The following XPOT variants were observed in gnomAD, a reference collection of about 807,000 sequenced individuals.
The protein encoded by XPOT is exportin for tRNA, also known as exportin-T.
Under a neutral mutation model 128.2 loss-of-function variants are expected in XPOT, and 34 were observed. That is an observed-to-expected ratio of 0.27 (90% confidence interval 0.20 to 0.35). XPOT has a LOEUF of 0.35. Among genes scored for constraint, XPOT ranks in the 10% least tolerant of loss-of-function variants. The pLI is 1.00. For synonymous variants in XPOT, 348 were observed against 394.3 expected, an observed-to-expected ratio of 0.88 and a Z score of 1.39; for missense variants, 838 against 1,125.3, an observed-to-expected ratio of 0.74 and a Z score of 3.65.
chr12:64,428,391 G>A (rs1000182374), intron 16 of XPOT, among the ~76,000 whole-genome samples: 2 of 152,118 alleles, frequency 1.3e-5, no homozygotes, highest in Non-Finnish European at 1.5e-5. Context: ...TTAAAGATGA[G>A]CTTGCTGTTA....
rs1027602789 is a variant in XPOT at position 64,422,459 on chromosome 12, A to C, written c.1081-546A>C. On this transcript the variant is annotated intron_variant, in intron 9 of 24. Transcript: ENST00000332707. ...TTTTGCTTTGTTTAAAAACCTTTGC[A>C]GAATATGTTATAGGTGTCTTTGTCT... 4.6e-5 allele frequency among the ~76,000 whole-genome samples: 7 copies of C among 152,318 alleles called. 1 individual carries two copies. In the South Asian group the frequency reaches 1.2e-3, roughly 27 times the overall value.
chr12:64,424,675 C>T lies in XPOT; in HGVS notation c.1259C>T (p.Pro420Leu). The T allele has an allele frequency of 1.2e-6, 2 of 1,613,110 alleles. No homozygotes were observed. The highest frequency in any genetic ancestry group is 1.7e-6 in the Non-Finnish European group (2 of 1,179,972). ...LLLDRLAQVS[P>L]ELLLASVRRV... Reference sequence around the variant, plus strand: ...TTGGACAGGCTTGCTCAAGTTTCACCAGAGTTACTACTGGCCTCTGTTCGC... The same window carrying T: ...TTGGACAGGCTTGCTCAAGTTTCACTAGAGTTACTACTGGCCTCTGTTCGC... Residue 420 changes from proline to leucine, a missense_variant, in exon 12 of 25, where the codon CCA becomes CTA. Pro to Leu is a moderately conservative substitution (Grantham distance 98). This residue lies in a region of XPOT where 761 missense variants were observed against 988.3 expected (regional missense o/e 0.77). Coordinates refer to ENST00000332707, the MANE Select transcript of XPOT (RefSeq NM_007235.6).
intron 24 of XPOT, 46 bp from the exon 25 acceptor site, chr12:64,448,059 A>T: frequency 6.4e-7 from 1 of 1,568,638 alleles, no homozygotes; most frequent in Non-Finnish European, 8.8e-7. Flanking sequence ...GGTGAAAGTG[A>T]TATCTTCTGA....
chr12:64,425,401 G>C lies in XPOT; in HGVS notation c.1516G>C (p.Val506Leu). 6.2e-7 allele frequency: 1 copy of C among 1,613,750 alleles called. No individual in the cohort carries two copies. Residue 506 changes from valine (V) to leucine (L), a missense_variant, in exon 14 of 25, where the codon GTT becomes CTT. Coordinates refer to ENST00000332707, the MANE Select transcript of XPOT (RefSeq NM_007235.6). Reference sequence around the variant, plus strand: ...TGTGACATTGGAGTTCTTCGAAACTGTTGTTAGATATGAAAAGTTTTTCAC... The same window carrying C: ...TGTGACATTGGAGTTCTTCGAAACTCTTGTTAGATATGAAAAGTTTTTCAC... ...TSVTLEFFET[V>L]VRYEKFFTVE...
intron 3 of XPOT, among the ~76,000 whole-genome samples, chr12:64,415,639 A>G (rs917574227): frequency 1.3e-5 from 2 of 152,140 alleles, no homozygotes; most frequent in Non-Finnish European, 2.9e-5. Flanking sequence ...TCGGCCTTCC[A>G]AAGTGCTGGG....
intron 1 of XPOT, 47 bp from the exon 2 acceptor site, chr12:64,409,915 T>A (rs1176458653): frequency 1.3e-6 from 1 of 761,240 alleles, no homozygotes; most frequent in Admixed American, 2.0e-5. Flanking sequence ...TAAGCATCTA[T>A]TTGTTTATCA....
chr12:64,435,755 T>A, intron 22 of XPOT, 81 bp downstream of exon 22: 1 of 1,406,382 alleles, frequency 7.1e-7, no homozygotes, highest in Non-Finnish European at 9.5e-7. Flanking sequence ...GTATCTTGTG[T>A]AAAATTTAAC....
chr12:64,425,642 A>G (rs1445735870), intron 14 of XPOT, 173 bp from the exon 15 acceptor site: 13 of 974,032 alleles, frequency 1.3e-5, no homozygotes, highest in Admixed American at 2.4e-5. Flanking sequence ...TTAGTCAACT[A>G]AAACAAGTTC....
At chr12:64,417,250 A>G (rs2040096043) in intron 4 of XPOT, among the ~76,000 whole-genome samples, 1 of 152,204 alleles carries the variant, frequency 6.6e-6, no homozygotes, top group Non-Finnish European at 1.5e-5. Flanking sequence ...TTGGTTACAC[A>G]TAAAAATCCA....
intron 6 of XPOT, 30 bp downstream of exon 6, chr12:64,419,124 TTAATG>T (rs1031911566): frequency 1.9e-6 from 3 of 1,582,340 alleles, no homozygotes; most frequent in Admixed American, 3.4e-5. Flanking sequence ...TTTTTTATAT[TTAATG>T]TAAGTTTTGT....
chr12:64,420,039 T>C, intron 6 of XPOT, 31 bp from the exon 7 acceptor site: 2 of 1,527,254 alleles, frequency 1.3e-6, no homozygotes, highest in Non-Finnish European at 8.7e-7. Context: ...TGTAAGGTAA[T>C]CTACTTTGCA....
intron 16 of XPOT, among the ~76,000 whole-genome samples, chr12:64,428,648 A>G (rs922742425): frequency 6.6e-6 from 1 of 152,152 alleles, no homozygotes; most frequent in Non-Finnish European, 1.5e-5. Context: ...CTGAAATCCT[A>G]AAAACCACAA....
At chr12:64,411,283 T>C (rs535441189) in intron 2 of XPOT, among the ~76,000 whole-genome samples, 3 of 152,362 alleles carry the variant, frequency 2.0e-5, no homozygotes, top group African/African-American at 7.2e-5. Context: ...GATCTTTACC[T>C]TTAGTCTAGC....
chr12:64,434,789 G>A lies in XPOT; in HGVS notation c.2570-5G>A, dbSNP rs1259633511. 2 of 1,609,816 alleles carry A rather than the reference G, an allele frequency of 1.2e-6. No individual in the cohort carries two copies. Among genetic ancestry groups the A allele is most frequent in the South Asian group, 1.1e-5 (1 of 90,732 alleles). ...ATAAGATGAAAATTTGAATTCTCTT[G>A]ACAGGAGGTAAAGATGGACCAGTGG... On this transcript the variant is annotated splice_region_variant and splice_polypyrimidine_tract_variant and intron_variant, in intron 20 of 24. Coordinates refer to ENST00000332707, the MANE Select transcript of XPOT (RefSeq NM_007235.6).
Position 64,421,362 on chromosome 12 carries a change from C to T in XPOT, c.971C>T (p.Ala324Val). 1 of 1,613,846 alleles carries T rather than the reference C, an allele frequency of 6.2e-7. No individual in the cohort carries two copies. Among genetic ancestry groups the T allele is most frequent in the Non-Finnish European group, 8.5e-7 (1 of 1,179,810 alleles). Residue 324 changes from alanine (A) to valine (V), a missense_variant, in exon 9 of 25, where the codon GCT becomes GTT. Ala to Val is a moderately conservative substitution (Grantham distance 64). Coordinates refer to ENST00000332707, the MANE Select transcript of XPOT (RefSeq NM_007235.6). ...DIKNAQEALQAIETKVALMLQ... is the reference protein window; with the variant it reads ...DIKNAQEALQVIETKVALMLQ... ...AAGAATGCTCAAGAGGCACTACAAGCTATTGAAACAAAAGTGGCACTGATG... is the reference window on the plus strand; with the variant it reads ...AAGAATGCTCAAGAGGCACTACAAGTTATTGAAACAAAAGTGGCACTGATG...
intron 22 of XPOT, 151 bp downstream of exon 22, chr12:64,435,825 T>G (rs2136033261): frequency 1.5e-6 from 1 of 674,196 alleles, no homozygotes; most frequent in South Asian, 3.5e-5. Context: ...AGTATCCATT[T>G]ATTGTCCTTC....
chr12:64,447,912 G>C (rs775861323), intron 24 of XPOT, among the ~76,000 whole-genome samples, 193 bp from the exon 25 acceptor site: 1 of 152,066 alleles, frequency 6.6e-6, no homozygotes, highest in Non-Finnish European at 1.5e-5. Context: ...GTCAGCATAA[G>C]TTATATCTAC....
At chr12:64,408,549 C>T (rs2040004004) in intron 1 of XPOT, among the ~76,000 whole-genome samples, 1 of 152,028 alleles carries the variant, frequency 6.6e-6, no homozygotes, top group African/African-American at 2.4e-5. Context: ...ACTAGGATGC[C>T]TTTTGCAGCT....
At chr12:64,419,508 G>A (rs1317096243) in intron 6 of XPOT, among the ~76,000 whole-genome samples, 2 of 152,156 alleles carry the variant, frequency 1.3e-5, no homozygotes, top group East Asian at 3.9e-4. Flanking sequence ...TGTAGAGATT[G>A]GGTTTCGCCA....
Sources: gnomAD v4.1 joint callset for allele counts (sites outside exome capture counted in the v4.1 genomes callset) on GRCh38, gnomAD v4.1.1 for gene constraint, gnomAD v4.1.1 regional missense constraint, MANE v1.5 for transcripts, NCBI Gene and HGNC (gene_info 2026-07-23, HGNC 2026-07-21) for gene names.